Variants in BTBD9 observed in about 807,000 individuals in gnomAD.
BTBD9 encodes BTB/POZ domain-containing protein 9.
BTBD9 carries 49 observed loss-of-function variants against 64.3 expected under a neutral mutation model. That is an observed-to-expected ratio of 0.76 (90% CI 0.61 to 0.97). The LOEUF is 0.97. Among genes scored for constraint, BTBD9 ranks in the 50% least tolerant of loss-of-function variants. The pLI is 0.00. For missense variants in BTBD9, 598 were observed against 762.1 expected (o/e 0.78, Z 2.53); for synonymous variants, 260 against 274.7 (o/e 0.95, Z 0.53).
chr6:38,381,383 A>C (rs1317548263), intron 6 of BTBD9, among the ~76,000 whole-genome samples: 1 of 152,212 alleles, frequency 6.6e-6, no homozygotes, highest in Non-Finnish European at 1.5e-5. Flanking sequence ...CTATATACTG[A>C]TAAAAGGTTC....
At chr6:38,520,113 T>C (rs1433304859) in intron 6 of BTBD9, among the ~76,000 whole-genome samples, 3 of 151,984 alleles carry the variant, frequency 2.0e-5, no homozygotes, top group East Asian at 1.9e-4. Flanking sequence ...TGATCCAATT[T>C]TGTAAAAAGA....
Position 38,174,934 on chromosome 6 carries a change from T to C in BTBD9, c.*51A>G. 2.5e-6 allele frequency: 4 copies of C among 1,599,794 alleles called. No homozygotes were observed. Among genetic ancestry groups the C allele is most frequent in the Non-Finnish European group, 3.4e-6 (4 of 1,172,930 alleles). ...AGACCCCTGCTCAGGGAGGAGACCG[T>C]TTCCTGCCGTTGCCCGAGCCCACCA... On this transcript the variant is annotated 3_prime_UTR_variant, in exon 11 of 11. Coordinates refer to ENST00000481247, the MANE Select transcript of BTBD9 (RefSeq NM_001099272.2).
At chr6:38,254,524 C>G (rs1764509949) in intron 9 of BTBD9, among the ~76,000 whole-genome samples, 1 of 152,062 alleles carries the variant, frequency 6.6e-6, no homozygotes, top group African/African-American at 2.4e-5. Context: ...ATAGTCCCAG[C>G]TGCCTGGGAG....
chr6:38,500,431 G>A (rs1772145242), intron 6 of BTBD9, among the ~76,000 whole-genome samples: 1 of 152,176 alleles, frequency 6.6e-6, no homozygotes, highest in South Asian at 2.1e-4. Flanking sequence ...AGTGCTTGCT[G>A]ATTTTCTTGT....
chr6:38,253,409 A>G (rs1175244037), intron 9 of BTBD9, among the ~76,000 whole-genome samples: 2 of 152,136 alleles, frequency 1.3e-5, no homozygotes, highest in South Asian at 2.1e-4. Context: ...TCACTATCAC[A>G]AGGACAGCAT....
chr6:38,385,409 C>T (rs979292084), intron 6 of BTBD9, among the ~76,000 whole-genome samples: 1 of 151,860 alleles, frequency 6.6e-6, no homozygotes, highest in Non-Finnish European at 1.5e-5. Context: ...AGCCTGGTCT[C>T]GAACTTCTGA....
At chr6:38,627,637 T>C (rs1483481679) in intron 1 of BTBD9, among the ~76,000 whole-genome samples, 1 of 152,158 alleles carries the variant, frequency 6.6e-6, no homozygotes, top group African/African-American at 2.4e-5. Flanking sequence ...GAACTGGATG[T>C]CTGTGGGGTC....
chr6:38,540,782 G>A (rs1774234169), intron 6 of BTBD9, among the ~76,000 whole-genome samples: 2 of 152,194 alleles, frequency 1.3e-5, no homozygotes, highest in Admixed American at 6.5e-5. Flanking sequence ...GAGCTTCAGC[G>A]GTGCCTCACT....
At chr6:38,280,594 A>G (rs1315959034) in intron 8 of BTBD9, among the ~76,000 whole-genome samples, 1 of 152,266 alleles carries the variant, frequency 6.6e-6, no homozygotes, top group Non-Finnish European at 1.5e-5. Context: ...TCTAGGTTGC[A>G]AAGAAGGCTG....
intron 7 of BTBD9, among the ~76,000 whole-genome samples, chr6:38,316,131 T>C (rs1326371568): frequency 2.0e-5 from 3 of 152,200 alleles, no homozygotes; most frequent in Admixed American, 2.0e-4. Flanking sequence ...GCTACTCCTG[T>C]TCTTTTTTGG....
At position 38,566,474 on chromosome 6, in the gene BTBD9, A is replaced by T. The variant is rs145505275; in HGVS notation, c.1154+11126T>A. ...TGGTAAAAAGGAAGTTTACAGAGAA[A>T]AATATACTTTTGTGCAGACAGCTTA... On this transcript the variant is annotated intron_variant, in intron 6 of 10. Transcript: ENST00000481247. 9.4e-4 allele frequency among the ~76,000 whole-genome samples: 143 copies of T among 152,346 alleles called. 1 individual carries two copies. Among genetic ancestry groups the T allele is most frequent in the African/African-American group, 3.3e-3 (138 of 41,580 alleles).
intron 6 of BTBD9, among the ~76,000 whole-genome samples, chr6:38,378,677 C>T (rs1300481855): frequency 6.6e-6 from 1 of 151,574 alleles, no homozygotes; most frequent in Non-Finnish European, 1.5e-5. Context: ...AGTTCTAGAT[C>T]GGCCTGACCA....
intron 6 of BTBD9, among the ~76,000 whole-genome samples, chr6:38,522,582 T>C (rs928864319): frequency 6.6e-6 from 1 of 152,228 alleles, no homozygotes; most frequent in Non-Finnish European, 1.5e-5. Flanking sequence ...CTTCAACAAA[T>C]AAGCCCAGCT....
intron 6 of BTBD9, among the ~76,000 whole-genome samples, chr6:38,424,964 G>A (rs560978340): frequency 9.9e-5 from 15 of 151,798 alleles, no homozygotes; most frequent in East Asian, 7.7e-4. Context: ...TCAGCCTCCC[G>A]TAGCTGGGAT....
chr6:38,438,049 G>A (rs1768817905), intron 6 of BTBD9, among the ~76,000 whole-genome samples: 1 of 151,846 alleles, frequency 6.6e-6, no homozygotes, highest in Admixed American at 6.6e-5. Context: ...GATCTCCTGG[G>A]ATACGAAGCG....
At position 38,430,185 on chromosome 6, in the gene BTBD9, C is replaced by T. The variant is rs902955500; in HGVS notation, c.1155-85092G>A. Among the ~76,000 whole-genome samples the T allele has an allele frequency of 7.2e-5, 11 of 151,742 alleles. 1 individual carries two copies. Among genetic ancestry groups the T allele is most frequent in the African/African-American group, 2.7e-4 (11 of 41,204 alleles). Reference sequence around the variant, plus strand: ...TACTATCCTTTTCCTTACTTTTTTTCCTTATTATTCAGAATGTGGCTTTAA... The same window carrying T: ...TACTATCCTTTTCCTTACTTTTTTTTCTTATTATTCAGAATGTGGCTTTAA... On this transcript the variant is annotated intron_variant, in intron 6 of 10. Transcript: ENST00000481247.
chr6:38,239,734 AAAAAGATGCCTCT>A (rs1483413061), intron 9 of BTBD9, among the ~76,000 whole-genome samples: 2 of 152,240 alleles, frequency 1.3e-5, no homozygotes, highest in Non-Finnish European at 2.9e-5. Flanking sequence ...TATCTTGTGA[AAAAAGATGCCTCT>A]GGAAATTCAT....
chr6:38,544,644 G>C (rs1310625455), intron 6 of BTBD9, among the ~76,000 whole-genome samples: 1 of 151,888 alleles, frequency 6.6e-6, no homozygotes, highest in Non-Finnish European at 1.5e-5. Flanking sequence ...ATGAGGGTGT[G>C]GGCCAGGCTC....
At chr6:38,315,133 C>A (rs2127573060) in intron 7 of BTBD9, among the ~76,000 whole-genome samples, 1 of 152,352 alleles carries the variant, frequency 6.6e-6, no homozygotes. Context: ...CAGGCGTGAG[C>A]CACCATGCCC....
Sources: allele counts gnomAD v4.1 joint callset (sites outside exome capture counted in the v4.1 genomes callset), GRCh38; gene constraint gnomAD v4.1.1; transcripts MANE v1.5; gene names NCBI Gene and HGNC (gene_info 2026-07-23, HGNC 2026-07-21).